MON2: variants seen among roughly 807,000 people sequenced by gnomAD.
The protein encoded by MON2 is protein MON2 homolog.
MON2 carries 84 observed loss-of-function variants against 208.6 expected under a neutral mutation model. The ratio of observed to expected loss-of-function variants is 0.40; its 90% CI spans 0.34 to 0.48. The LOEUF (loss-of-function observed/expected upper bound fraction) is 0.48, where lower values mean the gene tolerates loss of function less well. Ranked by LOEUF, MON2 falls within the 20% of genes least tolerant of loss-of-function variation. The probability of loss-of-function intolerance (pLI) is 0.59; values close to 1 mark genes in which losing one functional copy is unlikely to be tolerated. For missense variants in MON2, 1,611 were observed against 2,015.4 expected (o/e 0.80, Z 3.84); for synonymous variants, 660 against 694.0 (o/e 0.95, Z 0.77).
At chr12:62,479,095 G>A (rs2135978928) in intron 1 of MON2, among the ~76,000 whole-genome samples, 1 of 152,258 alleles carries the variant, frequency 6.6e-6, no homozygotes, top group South Asian at 2.1e-4. Flanking sequence ...AATTTAAGGT[G>A]CCTTTTAAAC....
chr12:62,547,254 T>G (rs1461587677), intron 22 of MON2, among the ~76,000 whole-genome samples, 182 bp downstream of exon 22: 1 of 152,210 alleles, frequency 6.6e-6, no homozygotes, highest in African/African-American at 2.4e-5. Context: ...TAGTTTTTCT[T>G]AACTCTACCC....
At chr12:62,587,769 T>C (rs2075265856) in intron 33 of MON2, 1 of 217,054 alleles carries the variant, frequency 4.6e-6, no homozygotes, top group Admixed American at 5.9e-5. Flanking sequence ...TAAAACGTTT[T>C]AATTTTAAGT....
intron 5 of MON2, among the ~76,000 whole-genome samples, chr12:62,500,418 AT>A: frequency 6.6e-6 from 1 of 152,336 alleles, no homozygotes; most frequent in African/African-American, 2.4e-5. Flanking sequence ...AGTTAACCAT[AT>A]GGTAAACGTT....
intron 3 of MON2, 97 bp from the exon 4 acceptor site, chr12:62,494,919 C>T (rs1208537832): frequency 5.0e-6 from 4 of 800,588 alleles, no homozygotes; most frequent in Non-Finnish European, 7.3e-6. Context: ...TCAAGAAATC[C>T]TCTTCAGCTG....
In MON2 at chr12:62,499,149, A is replaced by G. The variant is rs547507399; in HGVS notation, c.565+101A>G. The G allele has an allele frequency of 5.9e-6, 7 of 1,187,646 alleles. No individual in the cohort carries two copies. In the Admixed American group the frequency reaches 1.1e-4, roughly 19 times the overall value. The allele number at this position is 1,187,646 out of a possible 1,614,324, so 73.6% of individuals were successfully genotyped here. A position where few individuals can be genotyped will look rare whatever the true frequency, so the allele number is the denominator to read the frequency against. ...TCAGATGATCAACATTATTATGTCTATAATGGCAACTTAAAAAATAAATTC... is the reference window on the plus strand; with the variant it reads ...TCAGATGATCAACATTATTATGTCTGTAATGGCAACTTAAAAAATAAATTC... On this transcript the variant is annotated intron_variant, in intron 5 of 34. Transcript: ENST00000393630.
chr12:62,489,558 A>G (rs926557273), intron 2 of MON2, among the ~76,000 whole-genome samples: 1 of 151,898 alleles, frequency 6.6e-6, no homozygotes, highest in African/African-American at 2.4e-5. Flanking sequence ...TTTCTTTTGT[A>G]GCTCTGCACT....
intron 2 of MON2, among the ~76,000 whole-genome samples, chr12:62,485,896 G>A (rs1463509369): frequency 1.3e-5 from 2 of 152,060 alleles, no homozygotes; most frequent in Non-Finnish European, 1.5e-5. Context: ...TAGAGACAGG[G>A]TTTCATCATG....
In MON2 at chr12:62,524,518, A is replaced by T. The variant is rs762011126; in HGVS notation, c.988A>T (p.Thr330Ser). The T allele has an allele frequency of 4.4e-6, 7 of 1,605,918 alleles. No homozygotes were observed. The highest frequency in any genetic ancestry group is 4.3e-6 in the Non-Finnish European group (5 of 1,173,030). The change falls in exon 9 of 35, where the codon ACT becomes TCT. Residue 330 changes from threonine (T) to serine (S), a missense_variant. Coordinates refer to ENST00000393630, the MANE Select transcript of MON2 (RefSeq NM_015026.3). ...ATTAAAAATCATATATTTTTAGGTA[A>T]CTGAATGTGAGATATTTCTGTCACT... ...LIKQFYSLLV[T>S]ECEIFLSLLV... is the part of the protein sequence containing the mutation.
chr12:62,511,480 T>C (rs1483563175), intron 8 of MON2, among the ~76,000 whole-genome samples: 1 of 152,190 alleles, frequency 6.6e-6, no homozygotes, highest in African/African-American at 2.4e-5. Flanking sequence ...TCAAGTGATC[T>C]TTGAAAAGGG....
At chr12:62,568,359 G>A (rs886436710) in intron 29 of MON2, among the ~76,000 whole-genome samples, 1 of 152,054 alleles carries the variant, frequency 6.6e-6, no homozygotes, top group Non-Finnish European at 1.5e-5. Flanking sequence ...TTTTTTTAGA[G>A]ACAGAGTTTT....
intron 8 of MON2, among the ~76,000 whole-genome samples, chr12:62,522,738 A>G (rs2072119339): frequency 6.6e-6 from 1 of 152,156 alleles, no homozygotes; most frequent in South Asian, 2.1e-4. Context: ...GGTTTTCTCC[A>G]TTGAGGCCCT....
At chr12:62,483,101 T>C (rs540041113) in intron 1 of MON2, 2 of 152,320 alleles carry the variant, frequency 1.3e-5, no homozygotes, top group East Asian at 3.8e-4. Context: ...AACGTAATAA[T>C]TTGAAATATT....
rs141886951 is a variant in MON2 at position 62,584,839 on chromosome 12, G to A, written c.4700-455G>A. Among the ~76,000 whole-genome samples, 791 of 151,892 alleles carry A rather than the reference G, an allele frequency of 5.2e-3. 10 individuals carry two copies. The highest frequency in any genetic ancestry group is 0.018 in the African/African-American group (745 of 41,400). ...ACAGCGTGTCTAGAGAGCAACTGCC[G>A]GACTGGAGCAGAGGTCACGTTCCAG... On this transcript the variant is annotated intron_variant, in intron 32 of 34. Transcript: ENST00000393630.
intron 32 of MON2, among the ~76,000 whole-genome samples, chr12:62,581,007 A>G (rs1258031523): frequency 6.6e-6 from 1 of 152,198 alleles, no homozygotes; most frequent in African/African-American, 2.4e-5. Context: ...CTATGCTAGA[A>G]TGTTATATTA....
chr12:62,539,364 T>C (rs1345033056), intron 19 of MON2, among the ~76,000 whole-genome samples: 4 of 151,692 alleles, frequency 2.6e-5, no homozygotes, highest in Non-Finnish European at 1.5e-5. Context: ...CCCAGGTTCA[T>C]GCCATTCTCC....
rs749589444 is a variant in MON2, at chr12:62,532,638, A to G, written c.1601A>G (p.Gln534Arg). The G allele has an allele frequency of 8.1e-6, 13 of 1,613,172 alleles. No homozygotes were observed. The highest frequency in any genetic ancestry group is 1.1e-5 in the Non-Finnish European group (13 of 1,179,216). ...CAGTCGACAGAACAGCAGGATTTAC[A>G]GTCAACATCAGACCAAATGGATAAG... is the stretch of plus-strand genomic sequence containing the variant. ...PTQSTEQQDL[Q>R]STSDQMDKEI... is the part of the protein sequence containing the mutation. The change falls in exon 12 of 35, where the codon CAG (glutamine) becomes CGG (arginine). Residue 534 changes from glutamine (Q) to arginine (R), a missense_variant. Transcript: ENST00000393630.
chr12:62,536,675 G>T (rs2072988186), intron 14 of MON2, among the ~76,000 whole-genome samples: 2 of 151,094 alleles, frequency 1.3e-5, no homozygotes, highest in South Asian at 2.1e-4. Context: ...TGTACCTCAT[G>T]AAGTTTTTGT....
rs2073583983 is a variant in MON2, at chr12:62,548,279, G to T, written c.2753+1207G>T. Among the ~76,000 whole-genome samples, 2 of 152,120 alleles carry T rather than the reference G, an allele frequency of 1.3e-5. 1 individual carries two copies. The highest frequency in any genetic ancestry group is 4.1e-4 in the South Asian group (2 of 4,820). ...ACGGATTGACTGTAGCGAGGCATAG[G>T]GGAAAATAGCAATCAGGAGTGACTT... is the stretch of plus-strand genomic sequence containing the variant. On this transcript the variant is annotated intron_variant, in intron 22 of 34. Coordinates refer to ENST00000393630, the MANE Select transcript of MON2 (RefSeq NM_015026.3).
intron 1 of MON2, chr12:62,470,665 A>G (rs943588385): frequency 2.0e-6 from 2 of 987,126 alleles, no homozygotes; most frequent in Admixed American, 4.9e-5. Context: ...TATGTATTTC[A>G]TGAATAAAAA....
Sources: gnomAD v4.1 joint callset for allele counts (sites outside exome capture counted in the v4.1 genomes callset) on GRCh38, gnomAD v4.1.1 for gene constraint, MANE v1.5 for transcripts, NCBI Gene and HGNC (gene_info 2026-07-23, HGNC 2026-07-21) for gene names.